The following ANGPT1 variants were observed in gnomAD, a reference collection of about 807,000 sequenced individuals.
ANGPT1 encodes the protein angiopoietin 1, also known as angiopoietin-1.
Under a neutral mutation model 62.2 loss-of-function variants are expected in ANGPT1, and 17 were observed. That is an observed-to-expected ratio of 0.27 (90% CI 0.19 to 0.41). The LOEUF is 0.41. ANGPT1 is among the 10% of genes least tolerant of loss of function. The probability of loss-of-function intolerance (pLI) is 1.00; values close to 1 mark genes in which losing one functional copy is unlikely to be tolerated. For synonymous variants in ANGPT1, 199 were observed against 198.9 expected, an observed-to-expected ratio of 1.00 and a Z score of 0.00; for missense variants, 478 against 594.9, an observed-to-expected ratio of 0.80 and a Z score of 2.04.
At chr8:107,295,535 T>C (rs370213520) in intron 5 of ANGPT1, 2 of 152,268 alleles carry the variant, frequency 1.3e-5, no homozygotes, top group South Asian at 2.1e-4. Flanking sequence ...CAAGTTTCAA[T>C]AGTGACTGAT....
chr8:107,281,969 T>C (rs2130122554), intron 7 of ANGPT1, among the ~76,000 whole-genome samples: 1 of 151,808 alleles, frequency 6.6e-6, no homozygotes, highest in Non-Finnish European at 1.5e-5. Context: ...GAGGCAGTGA[T>C]GGACAATGTG....
intron 1 of ANGPT1, among the ~76,000 whole-genome samples, chr8:107,480,677 A>T (rs1244325992): frequency 1.3e-5 from 2 of 152,222 alleles, no homozygotes; most frequent in African/African-American, 4.8e-5. Context: ...TGACTGAAAA[A>T]TTAAAATTGA....
chr8:107,384,470 C>G (rs1816696379), intron 1 of ANGPT1, among the ~76,000 whole-genome samples: 2 of 151,826 alleles, frequency 1.3e-5, no homozygotes, highest in South Asian at 4.1e-4. Context: ...ATAGACTTTG[C>G]TATATGAGAA....
intron 1 of ANGPT1, among the ~76,000 whole-genome samples, chr8:107,430,449 C>T (rs924222499): frequency 5.9e-5 from 9 of 152,186 alleles, no homozygotes; most frequent in African/African-American, 2.2e-4. Flanking sequence ...GAGTTCATAC[C>T]TATTCACTCT....
intron 1 of ANGPT1, among the ~76,000 whole-genome samples, chr8:107,455,397 T>C (rs987149326): frequency 1.3e-4 from 20 of 152,106 alleles, no homozygotes; most frequent in African/African-American, 4.8e-4. Context: ...TCAAGTCATC[T>C]GCTAAACTTT....
chr8:107,369,440 A>G (rs538091126), intron 1 of ANGPT1, among the ~76,000 whole-genome samples: 1 of 152,284 alleles, frequency 6.6e-6, no homozygotes, highest in South Asian at 2.1e-4. Flanking sequence ...TTTTCTTAAC[A>G]TTTGTGTATT....
chr8:107,318,715 A>C (rs1350706045), intron 4 of ANGPT1, among the ~76,000 whole-genome samples: 3 of 152,180 alleles, frequency 2.0e-5, no homozygotes, highest in Admixed American at 2.0e-4. Context: ...AATGACAAAT[A>C]ATAACTGTAT....
In ANGPT1 at chr8:107,357,893, T is replaced by C. The variant is rs2116972; in HGVS notation, c.298-10796A>G. On this transcript the variant is annotated intron_variant, in intron 1 of 8. Coordinates refer to ENST00000517746, the MANE Select transcript of ANGPT1 (RefSeq NM_001146.5). ...ACACTTAAAATCAAATCTCTTTCAA[T>C]AAAATCCTTCACTGTTCAACACTCT... Among the ~76,000 whole-genome samples, 623 of 152,316 alleles carry C rather than the reference T, an allele frequency of 4.1e-3. 4 individuals are homozygous for C. The highest frequency in any genetic ancestry group is 0.014 in the African/African-American group (592 of 41,570).
At chr8:107,373,542 T>C (rs1816460198) in intron 1 of ANGPT1, among the ~76,000 whole-genome samples, 1 of 152,186 alleles carries the variant, frequency 6.6e-6, no homozygotes, top group Admixed American at 6.5e-5. Flanking sequence ...TGAAATGATG[T>C]AGTCCATGAG....
intron 1 of ANGPT1, among the ~76,000 whole-genome samples, chr8:107,359,805 T>C (rs1297488099): frequency 6.6e-6 from 1 of 152,218 alleles, no homozygotes; most frequent in East Asian, 1.9e-4. Context: ...ATAGTGACGA[T>C]CTCTGGCTGA....
Position 107,497,769 on chromosome 8 carries a change from T to C in ANGPT1, c.-211A>G. The C allele has an allele frequency of 1.7e-6, 1 of 596,540 alleles. No homozygotes were observed. Among genetic ancestry groups the C allele is most frequent in the Non-Finnish European group, 2.9e-6 (1 of 343,266 alleles). 37.0% of individuals were successfully genotyped at this position (596,540 alleles called of 1,614,324 possible). A position where few individuals can be genotyped will look rare whatever the true frequency, so the allele number is the denominator to read the frequency against. ...TTTTTTATTTCACTGCAATGATGTTTTTCTTCGTTAAAACTTGAGATATTT... is the reference window on the plus strand; with the variant it reads ...TTTTTTATTTCACTGCAATGATGTTCTTCTTCGTTAAAACTTGAGATATTT... On this transcript the variant is annotated 5_prime_UTR_variant, in exon 1 of 9. Coordinates refer to ENST00000517746, the MANE Select transcript of ANGPT1 (RefSeq NM_001146.5).
chr8:107,418,860 A>C (rs1810821291), intron 1 of ANGPT1, among the ~76,000 whole-genome samples: 1 of 152,190 alleles, frequency 6.6e-6, no homozygotes, highest in Admixed American at 6.5e-5. Flanking sequence ...TTCTATTCAA[A>C]GTTGCAAAAC....
chr8:107,333,224 T>C (rs1203063502), intron 3 of ANGPT1, among the ~76,000 whole-genome samples: 4 of 152,134 alleles, frequency 2.6e-5, no homozygotes, highest in African/African-American at 9.7e-5. Context: ...GTTCTGCCAA[T>C]ACTCCATCAC....
intron 1 of ANGPT1, among the ~76,000 whole-genome samples, chr8:107,486,556 G>A (rs1230117505): frequency 2.6e-5 from 4 of 152,198 alleles, no homozygotes; most frequent in African/African-American, 4.8e-5. Flanking sequence ...TAGTATTTAC[G>A]TAACACCTAC....
chr8:107,450,234 A>G (rs1811732583), intron 1 of ANGPT1, among the ~76,000 whole-genome samples: 1 of 152,006 alleles, frequency 6.6e-6, no homozygotes, highest in Non-Finnish European at 1.5e-5. Context: ...GTCATAGATA[A>G]ACTATTGGTA....
chr8:107,331,067 T>C (rs981810613), intron 3 of ANGPT1, among the ~76,000 whole-genome samples: 6 of 152,178 alleles, frequency 3.9e-5, no homozygotes, highest in Non-Finnish European at 7.4e-5. Flanking sequence ...ATGTTAGAAG[T>C]TAGCAAGTTA....
chr8:107,356,724 C>G (rs1246902207), intron 1 of ANGPT1, among the ~76,000 whole-genome samples: 1 of 152,214 alleles, frequency 6.6e-6, no homozygotes, highest in African/African-American at 2.4e-5. Flanking sequence ...CAAGATGACT[C>G]TCCTGCTTAC....
chr8:107,488,076 C>T (rs1348872596), intron 1 of ANGPT1, among the ~76,000 whole-genome samples: 1 of 152,084 alleles, frequency 6.6e-6, no homozygotes, highest in East Asian at 1.9e-4. Context: ...GCTAATTAAC[C>T]AAGAGTACTC....
At chr8:107,252,786 T>G (rs1339568354) in intron 8 of ANGPT1, among the ~76,000 whole-genome samples, 1 of 152,238 alleles carries the variant, frequency 6.6e-6, no homozygotes, top group African/African-American at 2.4e-5. Context: ...GTCAGTTTTA[T>G]TTTTTAAATA....
Sources: allele counts gnomAD v4.1 joint callset (sites outside exome capture counted in the v4.1 genomes callset), GRCh38; gene constraint gnomAD v4.1.1; transcripts MANE v1.5; gene names NCBI Gene and HGNC (gene_info 2026-07-23, HGNC 2026-07-21).